Variants in FGF14 observed in about 807,000 individuals in gnomAD.
FGF14 encodes the protein fibroblast growth factor 14, also known as fibroblast growth factor homologous factor 4.
A neutral mutation model predicts 25.5 loss-of-function variants in FGF14; 5 were observed. The ratio of observed to expected loss-of-function variants is 0.20; its 90% CI spans 0.10 to 0.41. The LOEUF (loss-of-function observed/expected upper bound fraction) is 0.41. FGF14 is among the 10% of genes least tolerant of loss of function. The pLI is 1.00. For missense variants in FGF14, 222 were observed against 320.1 expected (o/e 0.69, Z 2.34); for synonymous variants, 138 against 118.3 (o/e 1.17, Z -1.08).
intron 1 of FGF14, among the ~76,000 whole-genome samples, chr13:101,926,497 C>T (rs1172716216): frequency 6.6e-6 from 1 of 152,124 alleles, no homozygotes; most frequent in Non-Finnish European, 1.5e-5. Flanking sequence ...TTGCATCGCT[C>T]AGAAAAAAAC....
At chr13:102,160,445 C>G (rs140463393) in intron 1 of FGF14, among the ~76,000 whole-genome samples, 18 of 152,352 alleles carry the variant, frequency 1.2e-4, no homozygotes, top group African/African-American at 4.3e-4. Flanking sequence ...TGTGTCTTCT[C>G]TAAGCCTGAT....
intron 1 of FGF14, among the ~76,000 whole-genome samples, chr13:102,272,175 C>G (rs1240085757): frequency 6.6e-6 from 1 of 152,080 alleles, no homozygotes; most frequent in African/African-American, 2.4e-5. Flanking sequence ...GTGCTGTAGC[C>G]TTTTTACCGA....
intron 3 of FGF14, among the ~76,000 whole-genome samples, chr13:101,737,561 A>C (rs1389355648): frequency 6.6e-6 from 1 of 152,082 alleles, no homozygotes; most frequent in Non-Finnish European, 1.5e-5. Context: ...ATTTCCTTGT[A>C]CTTCTCTGCC....
In FGF14 at chr13:101,720,043, G is replaced by A. The variant is rs990180612; in HGVS notation, c.*2788C>T. On this transcript the variant is annotated 3_prime_UTR_variant, in exon 5 of 5. Transcript: ENST00000376143. ...ATTTTGTTACATAAAGTTGTTTGAT[G>A]TTTTTTAATATGCCTTCATATAAAT... is the stretch of plus-strand genomic sequence containing the variant. 3.9e-5 allele frequency: 6 copies of A among 152,060 alleles called. No homozygotes were observed. The highest frequency in any genetic ancestry group is 1.4e-4 in the African/African-American group (6 of 41,428). 9.4% of individuals were successfully genotyped at this position (152,060 alleles called of 1,614,324 possible).
Position 102,072,990 on chromosome 13 carries a change from G to GT in FGF14, c.209-197695dup, listed in dbSNP as rs566501309. On this transcript the variant is annotated intron_variant, in intron 1 of 4. Coordinates refer to the FGF14 transcript ENST00000376131. The stretch of plus-strand genomic sequence containing the variant: ...ATATATCTTACTTCTTACCGTATCT[G>GT]TTGCCTCCACCTAGCCAGAGGCTGG... 1.8e-4 allele frequency among the ~76,000 whole-genome samples: 27 copies of GT among 152,266 alleles called. 1 individual carries two copies. The South Asian group carries it at 3.5e-3, about 20-fold the overall frequency.
intron 1 of FGF14, among the ~76,000 whole-genome samples, chr13:102,063,097 G>A (rs1040422635): frequency 5.3e-5 from 8 of 152,106 alleles, no homozygotes; most frequent in African/African-American, 1.7e-4. Flanking sequence ...ATAGATCAGT[G>A]CTTCCAAACC....
intron 3 of FGF14, among the ~76,000 whole-genome samples, chr13:101,735,505 A>G (rs2036120405): frequency 6.6e-6 from 1 of 152,174 alleles, no homozygotes. Flanking sequence ...TATTTTAAAA[A>G]GAGTTTTTAA....
intron 3 of FGF14, among the ~76,000 whole-genome samples, chr13:101,805,811 C>A (rs2140156859): frequency 6.6e-6 from 1 of 151,998 alleles, no homozygotes; most frequent in East Asian, 1.9e-4. Flanking sequence ...TTCAATACCA[C>A]CCAAGTCAAA....
At chr13:101,911,951 T>C (rs2032983030) in intron 1 of FGF14, among the ~76,000 whole-genome samples, 2 of 151,612 alleles carry the variant, frequency 1.3e-5, no homozygotes, top group Admixed American at 1.3e-4. Context: ...AAGCATGTGG[T>C]CTTTGTATGA....
intron 1 of FGF14, among the ~76,000 whole-genome samples, chr13:101,993,787 A>C (rs1185958338): frequency 6.6e-6 from 1 of 152,016 alleles, no homozygotes; most frequent in Non-Finnish European, 1.5e-5. Flanking sequence ...ATGGAGGAAA[A>C]AAGCAGCAAA....
chr13:102,031,150 A>C (rs2041188032), intron 1 of FGF14, among the ~76,000 whole-genome samples: 2 of 152,136 alleles, frequency 1.3e-5, no homozygotes, highest in Non-Finnish European at 2.9e-5. Flanking sequence ...GTAACAACCC[A>C]GAAAGAATAT....
chr13:101,955,646 A>G (rs2036468539), intron 1 of FGF14, among the ~76,000 whole-genome samples: 1 of 152,234 alleles, frequency 6.6e-6, no homozygotes. Context: ...GAAGGGTGAG[A>G]CATGAGTGTC....
At chr13:102,251,715 A>T (rs2052184173) in intron 1 of FGF14, among the ~76,000 whole-genome samples, 1 of 152,132 alleles carries the variant, frequency 6.6e-6, no homozygotes, top group African/African-American at 2.4e-5. Flanking sequence ...GGAACCCAGT[A>T]TCCCTCGTGC....
intron 1 of FGF14, among the ~76,000 whole-genome samples, chr13:102,070,988 C>T (rs1367609911): frequency 6.6e-6 from 1 of 151,756 alleles, no homozygotes; most frequent in Non-Finnish European, 1.5e-5. Context: ...CACATAAAAA[C>T]ATCACTGAAA....
At chr13:102,211,137 A>G (rs946161237) in intron 1 of FGF14, among the ~76,000 whole-genome samples, 2 of 152,048 alleles carry the variant, frequency 1.3e-5, no homozygotes, top group Admixed American at 6.5e-5. Flanking sequence ...ATAATGCAAA[A>G]GGGAACAACA....
intron 3 of FGF14, chr13:101,868,252 A>G (rs2044838754): frequency 5.5e-6 from 1 of 183,294 alleles, no homozygotes; most frequent in African/African-American, 2.4e-5. Context: ...TCCAATAAAT[A>G]TTACCACAAA....
At chr13:102,158,921 T>A (rs1011658830) in intron 1 of FGF14, among the ~76,000 whole-genome samples, 2 of 151,930 alleles carry the variant, frequency 1.3e-5, no homozygotes, top group Non-Finnish European at 2.9e-5. Context: ...GGTGGACCAC[T>A]TGAGGTCAGG....
intron 1 of FGF14, among the ~76,000 whole-genome samples, chr13:101,944,411 C>A (rs1423789821): frequency 2.6e-5 from 4 of 152,072 alleles, no homozygotes; most frequent in Non-Finnish European, 1.5e-5. Flanking sequence ...AAACAACATT[C>A]CTTCCTTCCC....
At chr13:102,135,060 C>A (rs187365260) in intron 1 of FGF14, among the ~76,000 whole-genome samples, 3,450 of 139,252 alleles carry the variant, frequency 0.025, 146 homozygotes, top group African/African-American at 0.087. Context: ...CACACACACA[C>A]AAATCCGCGT....
Sources: gnomAD v4.1 joint callset for allele counts (sites outside exome capture counted in the v4.1 genomes callset) on GRCh38, gnomAD v4.1.1 for gene constraint, MANE v1.5 for transcripts, NCBI Gene and HGNC (gene_info 2026-07-23, HGNC 2026-07-21) for gene names.